KCNMB2: variants seen among roughly 807,000 people sequenced by gnomAD.
KCNMB2 encodes calcium-activated potassium channel subunit beta-2.
In KCNMB2, 9 loss-of-function variants were observed where a neutral mutation model predicts 24.5. The ratio of observed to expected loss-of-function variants is 0.37; its 90% CI spans 0.22 to 0.64. The LOEUF (loss-of-function observed/expected upper bound fraction) is 0.64. Among genes scored for constraint, KCNMB2 ranks in the 30% least tolerant of loss-of-function variants. The probability of loss-of-function intolerance (pLI) is 0.63; values close to 1 mark genes in which losing one functional copy is unlikely to be tolerated. For missense variants in KCNMB2, 226 were observed against 284.3 expected, an observed-to-expected ratio of 0.79 and a Z score of 1.47; for synonymous variants, 109 against 104.4, an observed-to-expected ratio of 1.04 and a Z score of -0.27.
intron 1 of KCNMB2, among the ~76,000 whole-genome samples, chr3:178,666,553 A>G (rs1475884273): frequency 6.6e-6 from 1 of 152,186 alleles, no homozygotes. Flanking sequence ...TATTTAAATC[A>G]GTATGTCAAC....
rs564485631 is a variant in KCNMB2 at position 178,701,350 on chromosome 3, G to A, written c.-67-105993G>A. 3.3e-4 allele frequency among the ~76,000 whole-genome samples: 50 copies of A among 152,258 alleles called. No individual in the cohort carries two copies. The East Asian group carries it at 8.1e-3, about 25-fold the overall frequency. On this transcript the variant is annotated intron_variant, in intron 1 of 4. Transcript: ENST00000452583. Reference sequence around the variant, plus strand: ...TTGGTACCAGTACCATGCTGTTTTGGTTACTGTAGCCTTGTAGTATAGTTT... The same window carrying A: ...TTGGTACCAGTACCATGCTGTTTTGATTACTGTAGCCTTGTAGTATAGTTT...
At chr3:178,663,158 A>G (rs2108572834) in intron 1 of KCNMB2, among the ~76,000 whole-genome samples, 1 of 152,154 alleles carries the variant, frequency 6.6e-6, no homozygotes, top group South Asian at 2.1e-4. Flanking sequence ...TTGTTGCCAA[A>G]TGGGTTCCCA....
At chr3:178,674,456 A>T (rs1322753236) in intron 1 of KCNMB2, among the ~76,000 whole-genome samples, 1 of 152,196 alleles carries the variant, frequency 6.6e-6, no homozygotes, top group Non-Finnish European at 1.5e-5. Context: ...AGTCTAGAAG[A>T]CATCCTTGGC....
At chr3:178,700,119 C>A (rs1040954181) in intron 1 of KCNMB2, among the ~76,000 whole-genome samples, 1 of 152,164 alleles carries the variant, frequency 6.6e-6, no homozygotes, top group African/African-American at 2.4e-5. Context: ...TGACTCAAGC[C>A]TACAGAAGAC....
chr3:178,584,250 T>G (rs928552498), intron 1 of KCNMB2, among the ~76,000 whole-genome samples: 2 of 152,238 alleles, frequency 1.3e-5, no homozygotes, highest in African/African-American at 4.8e-5. Flanking sequence ...TACAAAACCC[T>G]GAACGAGAAT....
chr3:178,585,778 A>G (rs1241802909), intron 1 of KCNMB2, among the ~76,000 whole-genome samples: 1 of 152,240 alleles, frequency 6.6e-6, no homozygotes, highest in Non-Finnish European at 1.5e-5. Flanking sequence ...TCTAGGGCAC[A>G]GTAGTCTCAC....
intron 1 of KCNMB2, among the ~76,000 whole-genome samples, chr3:178,615,274 G>T (rs1412980545): frequency 6.6e-6 from 1 of 152,096 alleles, no homozygotes; most frequent in East Asian, 1.9e-4. Context: ...CCATTCCCTG[G>T]CTACTGCCTA....
chr3:178,664,633 T>C (rs148385055), intron 1 of KCNMB2, among the ~76,000 whole-genome samples: 47 of 152,188 alleles, frequency 3.1e-4, no homozygotes, highest in African/African-American at 9.4e-4. Context: ...TCTGAAAGAT[T>C]CATTTTTTTC....
chr3:178,824,813 T>C (rs922988372), intron 2 of KCNMB2: 3 of 152,242 alleles, frequency 2.0e-5, no homozygotes, highest in Non-Finnish European at 2.9e-5. Flanking sequence ...ATCACACAGC[T>C]AACAAGCAGT....
At chr3:178,714,712 CT>C (rs1722563215) in intron 1 of KCNMB2, among the ~76,000 whole-genome samples, 1 of 152,194 alleles carries the variant, frequency 6.6e-6, no homozygotes, top group African/African-American at 2.4e-5. Context: ...CAGTTTTGCT[CT>C]GGTGAAGGCT....
In KCNMB2 at chr3:178,806,429, A is replaced by G. The variant is rs1026695243; in HGVS notation, c.-67-914A>G. Among the ~76,000 whole-genome samples, 29 of 152,330 alleles carry G rather than the reference A, an allele frequency of 1.9e-4. No homozygotes were observed. In the Middle Eastern group the frequency reaches 0.01, roughly 54 times the overall value. On this transcript the variant is annotated intron_variant, in intron 1 of 4. Transcript: ENST00000452583. ...TATATAGTAGCTAATGTTATTTCCC[A>G]TCTCATGCTTATCATTAATATTGTG...
intron 1 of KCNMB2, among the ~76,000 whole-genome samples, chr3:178,767,688 T>C (rs753731769): frequency 7.9e-5 from 12 of 152,336 alleles, no homozygotes; most frequent in South Asian, 2.1e-4. Flanking sequence ...TCTTTATTCA[T>C]CTACAACCCC....
chr3:178,786,578 G>A (rs1176455671), intron 1 of KCNMB2, among the ~76,000 whole-genome samples: 2 of 152,046 alleles, frequency 1.3e-5, no homozygotes. Flanking sequence ...CTTCCCATTT[G>A]ATGCTTAATC....
At chr3:178,718,028 G>A (rs562667608) in intron 1 of KCNMB2, among the ~76,000 whole-genome samples, 35 of 152,196 alleles carry the variant, frequency 2.3e-4, no homozygotes, top group African/African-American at 8.4e-4. Flanking sequence ...ATAATAAGTG[G>A]ACATGACTTA....
At chr3:178,694,353 T>C (rs1481643130) in intron 1 of KCNMB2, among the ~76,000 whole-genome samples, 1 of 152,128 alleles carries the variant, frequency 6.6e-6, no homozygotes, top group Non-Finnish European at 1.5e-5. Context: ...AGTCAAACCA[T>C]ATTATTCCCC....
intron 1 of KCNMB2, among the ~76,000 whole-genome samples, chr3:178,659,609 T>C (rs1720455864): frequency 6.6e-6 from 1 of 152,192 alleles, no homozygotes; most frequent in Admixed American, 6.5e-5. Context: ...AGCCAAGACA[T>C]GGCCCCAGAT....
intron 1 of KCNMB2, among the ~76,000 whole-genome samples, chr3:178,698,578 A>C (rs1721967597): frequency 6.6e-6 from 1 of 152,172 alleles, no homozygotes; most frequent in African/African-American, 2.4e-5. Context: ...TAGCTCAGTG[A>C]ATTTCTTTCC....
In KCNMB2 at chr3:178,536,652, C is replaced by T. The variant is rs915307270; in HGVS notation, c.-127C>T. ...CCGGTGGCTATTTGGAGGACTGCAC[C>T]GGATCGCTGTCATTAAAAATTAAGC... On this transcript the variant is annotated 5_prime_UTR_variant, in exon 1 of 5. Coordinates refer to ENST00000452583, the MANE Select transcript of KCNMB2 (RefSeq NM_181361.3). 1.3e-5 allele frequency: 2 copies of T among 152,150 alleles called. No homozygotes were observed. The highest frequency in any genetic ancestry group is 4.8e-5 in the African/African-American group (2 of 41,414). 9.4% of individuals were successfully genotyped at this position (152,150 alleles called of 1,614,324 possible).
intron 1 of KCNMB2, among the ~76,000 whole-genome samples, chr3:178,673,030 T>C (rs934909979): frequency 6.6e-6 from 1 of 152,208 alleles, no homozygotes; most frequent in Non-Finnish European, 1.5e-5. Context: ...TTGATCATAC[T>C]ATTCTTTTAT....
Sources: gnomAD v4.1 joint callset for allele counts (sites outside exome capture counted in the v4.1 genomes callset) on GRCh38, gnomAD v4.1.1 for gene constraint, MANE v1.5 for transcripts, NCBI Gene and HGNC (gene_info 2026-07-23, HGNC 2026-07-21) for gene names.